Variants in ERC2 observed in about 807,000 individuals in gnomAD.
ERC2 encodes the protein ELKS/RAB6-interacting/CAST family member 2, also known as ERC protein 2.
In ERC2, 42 loss-of-function variants were observed where a neutral mutation model predicts 114.8. The ratio of observed to expected loss-of-function variants is 0.37; its 90% CI spans 0.29 to 0.47. The LOEUF (loss-of-function observed/expected upper bound fraction) is 0.47, where lower values mean the gene tolerates loss of function less well. Ranked by LOEUF, ERC2 falls within the 20% of genes least tolerant of loss-of-function variation. The pLI is 0.99. For synonymous variants in ERC2, 454 were observed against 425.5 expected (o/e 1.07, Z -0.82); for missense variants, 939 against 1,150.7 (o/e 0.82, Z 2.66).
intron 6 of ERC2, among the ~76,000 whole-genome samples, chr3:56,104,592 T>C (rs868185745): frequency 6.6e-6 from 1 of 152,108 alleles, no homozygotes; most frequent in East Asian, 1.9e-4. Context: ...GGGCTATGTG[T>C]CTTTGAATGC....
chr3:56,141,532 A>T (rs1054544902), intron 5 of ERC2, among the ~76,000 whole-genome samples: 2 of 152,208 alleles, frequency 1.3e-5, no homozygotes, highest in Non-Finnish European at 2.9e-5. Flanking sequence ...GTCTTGTTTC[A>T]GGCCTCAAAG....
At chr3:55,609,988 G>A (rs2058818710) in intron 17 of ERC2, among the ~76,000 whole-genome samples, 1 of 145,694 alleles carries the variant, frequency 6.9e-6, no homozygotes, top group South Asian at 2.1e-4. Context: ...CAGGACGCCT[G>A]CACGCATCAA....
rs1216223977 is a variant in ERC2 at position 56,169,893 on chromosome 3, T to A, written c.1149+3553A>T. ...TCATGTTTATGTCATGTCAAATTTA[T>A]AATAAAAATAAGTTACACATTCTTT... On this transcript the variant is annotated intron_variant, in intron 4 of 17. Coordinates refer to ENST00000288221, the MANE Select transcript of ERC2 (RefSeq NM_015576.3). Among the ~76,000 whole-genome samples, 7 of 150,890 alleles carry A rather than the reference T, an allele frequency of 4.6e-5. No individual in the cohort carries two copies. In the East Asian group the frequency reaches 1.2e-3, roughly 25 times the overall value.
chr3:56,241,938 T>A (rs2051349605), intron 3 of ERC2, among the ~76,000 whole-genome samples: 1 of 152,190 alleles, frequency 6.6e-6, no homozygotes, highest in South Asian at 2.1e-4. Context: ...ATGGCTGCTG[T>A]TTCCATGCTA....
intron 9 of ERC2, among the ~76,000 whole-genome samples, chr3:56,010,066 G>C (rs1183293576): frequency 1.3e-5 from 2 of 152,244 alleles, no homozygotes; most frequent in Non-Finnish European, 1.5e-5. Context: ...ACAAGGAATA[G>C]TACATAGCAG....
At position 55,744,683 on chromosome 3, in the gene ERC2, T is replaced by C. The variant is rs2066197349; in HGVS notation, c.2565-9765A>G. On this transcript the variant is annotated intron_variant, in intron 14 of 17. Transcript: ENST00000288221. The stretch of plus-strand genomic sequence containing the variant: ...GAGAAGATTCTGTATCCAGGCCCTG[T>C]AGCCACTGCTTGGGCCTGCTCCCAC... Among the ~76,000 whole-genome samples the C allele has an allele frequency of 2.6e-5, 4 of 152,242 alleles. No homozygotes were observed. In the South Asian group the frequency reaches 8.3e-4, roughly 31 times the overall value.
intron 13 of ERC2, among the ~76,000 whole-genome samples, chr3:55,923,848 G>T (rs2065587721): frequency 6.6e-6 from 1 of 152,086 alleles, no homozygotes; most frequent in Non-Finnish European, 1.5e-5. Context: ...GCACTGCCTT[G>T]CACTGAGTCC....
intron 3 of ERC2, among the ~76,000 whole-genome samples, chr3:56,221,740 T>A (rs1233371217): frequency 6.6e-6 from 1 of 152,034 alleles, no homozygotes; most frequent in Non-Finnish European, 1.5e-5. Context: ...CCGTCTCTAC[T>A]AAAAATACAA....
chr3:56,216,266 A>C (rs572082125), intron 3 of ERC2, among the ~76,000 whole-genome samples: 1 of 152,342 alleles, frequency 6.6e-6, no homozygotes, highest in South Asian at 2.1e-4. Context: ...TAAAGAAGAA[A>C]AGAGAGAAGA....
intron 1 of ERC2, among the ~76,000 whole-genome samples, chr3:56,444,283 T>A (rs1399907787): frequency 6.6e-6 from 1 of 152,080 alleles, no homozygotes; most frequent in Non-Finnish European, 1.5e-5. Context: ...TACCTGCCAA[T>A]CTTATATGTT....
At chr3:56,411,422 G>C (rs772226454) in intron 2 of ERC2, among the ~76,000 whole-genome samples, 8 of 151,704 alleles carry the variant, frequency 5.3e-5, no homozygotes, top group Non-Finnish European at 1.0e-4. Flanking sequence ...GTTTCAGCAC[G>C]CCGGAAAGTA....
intron 3 of ERC2, among the ~76,000 whole-genome samples, chr3:56,257,367 G>A (rs1408252998): frequency 6.6e-6 from 1 of 152,178 alleles, no homozygotes; most frequent in Non-Finnish European, 1.5e-5. Flanking sequence ...AATGCATCAT[G>A]GTTACAGTCT....
intron 2 of ERC2, among the ~76,000 whole-genome samples, chr3:56,401,478 T>G (rs1204823786): frequency 6.6e-6 from 1 of 152,218 alleles, no homozygotes; most frequent in East Asian, 1.9e-4. Context: ...CTTCCATACA[T>G]CAAAGCCTAC....
chr3:55,723,176 T>C (rs1480613852), intron 15 of ERC2, among the ~76,000 whole-genome samples: 1 of 152,186 alleles, frequency 6.6e-6, no homozygotes, highest in Admixed American at 6.5e-5. Context: ...ATGCACAAAA[T>C]ATTAAATGTT....
intron 17 of ERC2, among the ~76,000 whole-genome samples, chr3:55,588,338 T>G (rs1206130471): frequency 6.6e-6 from 1 of 151,710 alleles, no homozygotes; most frequent in African/African-American, 2.4e-5. Context: ...GTGGAGTGCA[T>G]CAGTTACACG....
At chr3:56,100,849 G>A (rs139490932) in intron 6 of ERC2, among the ~76,000 whole-genome samples, 1 of 152,076 alleles carries the variant, frequency 6.6e-6, no homozygotes, top group Non-Finnish European at 1.5e-5. Flanking sequence ...TAAGCTCTTG[G>A]TTATTTCATG....
intron 3 of ERC2, among the ~76,000 whole-genome samples, chr3:56,196,987 G>A (rs1477350402): frequency 6.6e-6 from 1 of 152,078 alleles, no homozygotes; most frequent in East Asian, 1.9e-4. Context: ...TGTCTGCAGA[G>A]TCCGTGTTTA....
chr3:55,861,045 C>A (rs149681931), intron 14 of ERC2, among the ~76,000 whole-genome samples: 1 of 152,228 alleles, frequency 6.6e-6, no homozygotes, highest in African/African-American at 2.4e-5. Flanking sequence ...GCTGTAGCTA[C>A]GCTATTTTCA....
intron 3 of ERC2, among the ~76,000 whole-genome samples, chr3:56,281,004 C>T (rs1486504735): frequency 6.6e-6 from 1 of 152,208 alleles, no homozygotes; most frequent in Non-Finnish European, 1.5e-5. Flanking sequence ...GTAAGAACAG[C>T]TTATACACAA....
Sources: gnomAD v4.1 joint callset for allele counts (sites outside exome capture counted in the v4.1 genomes callset) on GRCh38, gnomAD v4.1.1 for gene constraint, MANE v1.5 for transcripts, NCBI Gene and HGNC (gene_info 2026-07-23, HGNC 2026-07-21) for gene names.